ATP8A1: variants seen among roughly 807,000 people sequenced by gnomAD.
ATP8A1 encodes phospholipid-transporting ATPase IA.
In ATP8A1, 90 loss-of-function variants were observed where a neutral mutation model predicts 177.7. The observed-to-expected ratio is 0.51, with a 90% confidence interval of 0.43 to 0.60. The LOEUF is 0.60. Among genes scored for constraint, ATP8A1 ranks in the 20% least tolerant of loss-of-function variants. The pLI, the probability that ATP8A1 is intolerant of heterozygous loss-of-function variation, is 0.00. For missense variants in ATP8A1, 1,072 were observed against 1,392.8 expected (o/e 0.77, Z 3.67); for synonymous variants, 493 against 485.9 (o/e 1.01, Z -0.19).
At chr4:42,474,184 A>T (rs1157810439) in intron 25 of ATP8A1, among the ~76,000 whole-genome samples, 2 of 152,230 alleles carry the variant, frequency 1.3e-5, no homozygotes, top group African/African-American at 4.8e-5. Context: ...TATCAACTAC[A>T]AATTCAAGAG....
intron 15 of ATP8A1, among the ~76,000 whole-genome samples, chr4:42,557,953 G>T (rs1159168465): frequency 6.6e-6 from 1 of 152,068 alleles, no homozygotes; most frequent in African/African-American, 2.4e-5. Context: ...CTTGAACCTG[G>T]GAGGTGGAGG....
At chr4:42,594,268 A>C (rs1439999756) in intron 6 of ATP8A1, 1 of 1,473,846 alleles carries the variant, frequency 6.8e-7, no homozygotes, top group South Asian at 1.2e-5. Flanking sequence ...ACACTGTTTG[A>C]GCATCAGTAG....
chr4:42,425,195 G>A (rs1400056553), intron 33 of ATP8A1, among the ~76,000 whole-genome samples: 1 of 151,872 alleles, frequency 6.6e-6, no homozygotes, highest in Non-Finnish European at 1.5e-5. Flanking sequence ...CATTTACTTG[G>A]CTTAATTTTA....
At chr4:42,453,023 T>C (rs756270621) in intron 29 of ATP8A1, among the ~76,000 whole-genome samples, 4 of 152,208 alleles carry the variant, frequency 2.6e-5, no homozygotes, top group Non-Finnish European at 5.9e-5. Context: ...CATTTGAACT[T>C]GTGTTACTCA....
chr4:42,555,871 TA>T, intron 16 of ATP8A1, 96 bp downstream of exon 16: 3 of 782,352 alleles, frequency 3.8e-6, no homozygotes, highest in Non-Finnish European at 3.9e-6. Context: ...ATCATGAAAG[TA>T]AAAAAAGAGA....
At chr4:42,425,752 G>C (rs935662248) in intron 33 of ATP8A1, among the ~76,000 whole-genome samples, 3 of 152,110 alleles carry the variant, frequency 2.0e-5, no homozygotes, top group Admixed American at 6.5e-5. Context: ...CAGCCTGTTC[G>C]GGCCGAGCTC....
intron 30 of ATP8A1, among the ~76,000 whole-genome samples, chr4:42,446,953 T>C (rs1457563995): frequency 6.6e-6 from 1 of 152,058 alleles, no homozygotes; most frequent in Non-Finnish European, 1.5e-5. Context: ...TTCTGGATCG[T>C]AATAAAGAAC....
At chr4:42,509,422 A>G (rs1251173125) in intron 22 of ATP8A1, among the ~76,000 whole-genome samples, 1 of 152,258 alleles carries the variant, frequency 6.6e-6, no homozygotes, top group Non-Finnish European at 1.5e-5. Context: ...AGTCCCCGCT[A>G]TAGCGGCCAT....
chr4:42,454,592 T>G (rs148733448), intron 29 of ATP8A1, among the ~76,000 whole-genome samples: 1 of 152,194 alleles, frequency 6.6e-6, no homozygotes. Flanking sequence ...GAAATTGAAT[T>G]ATTAACAAAT....
At chr4:42,638,956 A>G (rs2109538870) in intron 1 of ATP8A1, among the ~76,000 whole-genome samples, 1 of 152,350 alleles carries the variant, frequency 6.6e-6, no homozygotes, top group South Asian at 2.1e-4. Flanking sequence ...GATACTCTTC[A>G]AAAAATAACT....
chr4:42,478,327 C>T (rs1459749387), intron 25 of ATP8A1, among the ~76,000 whole-genome samples: 1 of 152,044 alleles, frequency 6.6e-6, no homozygotes, highest in East Asian at 1.9e-4. Context: ...GCCAAGACTG[C>T]ACCACTGCAG....
chr4:42,447,251 T>G (rs1717377144), intron 30 of ATP8A1, among the ~76,000 whole-genome samples: 1 of 152,220 alleles, frequency 6.6e-6, no homozygotes, highest in African/African-American at 2.4e-5. Context: ...TGGCGTGATC[T>G]CGGCTCACTG....
At chr4:42,476,512 G>T (rs745500839) in intron 25 of ATP8A1, among the ~76,000 whole-genome samples, 1 of 151,874 alleles carries the variant, frequency 6.6e-6, no homozygotes, top group Non-Finnish European at 1.5e-5. Flanking sequence ...CCAGCTACTC[G>T]GGAGGCTGAG....
chr4:42,495,414 A>G (rs933490500), intron 24 of ATP8A1, among the ~76,000 whole-genome samples: 1 of 152,162 alleles, frequency 6.6e-6, no homozygotes, highest in African/African-American at 2.4e-5. Flanking sequence ...TACGCAACAC[A>G]TATATCAATA....
At chr4:42,544,119 C>A in intron 19 of ATP8A1, 133 bp from the exon 20 acceptor site, 1 of 669,398 alleles carries the variant, frequency 1.5e-6, no homozygotes, top group South Asian at 2.0e-5. Context: ...TAACCTTCCA[C>A]ATACACAAAC....
intron 6 of ATP8A1, among the ~76,000 whole-genome samples, chr4:42,595,135 G>A (rs1734599780): frequency 6.6e-6 from 1 of 152,070 alleles, no homozygotes; most frequent in South Asian, 2.1e-4. Flanking sequence ...TTTACATCAT[G>A]AAAGTTGACC....
chr4:42,441,949 T>C (rs1716692469), intron 33 of ATP8A1, among the ~76,000 whole-genome samples: 1 of 152,208 alleles, frequency 6.6e-6, no homozygotes, highest in African/African-American at 2.4e-5. Context: ...CTGACATTCA[T>C]TTCACTTTGA....
chr4:42,623,768 G>T (rs951648479), intron 4 of ATP8A1, among the ~76,000 whole-genome samples: 1 of 152,128 alleles, frequency 6.6e-6, no homozygotes, highest in Admixed American at 6.5e-5. Context: ...TCGGTTTAAT[G>T]CCTGGGTGAT....
At chr4:42,504,738 G>T (rs6822894) in intron 23 of ATP8A1, among the ~76,000 whole-genome samples, 13,442 of 152,230 alleles carry the variant, frequency 0.088, 895 homozygotes, top group African/African-American at 0.18. Flanking sequence ...GTTTTTACAG[G>T]AAAGTCAGAG....
Sources: allele counts gnomAD v4.1 joint callset (sites outside exome capture counted in the v4.1 genomes callset), GRCh38; gene constraint gnomAD v4.1.1; transcripts MANE v1.5; gene names NCBI Gene and HGNC (gene_info 2026-07-23, HGNC 2026-07-21).